Variants in ANXA10 observed in about 807,000 individuals in gnomAD.
The protein encoded by ANXA10 is annexin 14.
ANXA10 carries 49 observed loss-of-function variants against 53.5 expected under a neutral mutation model. The observed-to-expected ratio is 0.92, with a 90% CI of 0.73 to 1.16. The LOEUF (loss-of-function observed/expected upper bound fraction) is 1.16, where lower values mean the gene tolerates loss of function less well. ANXA10 is among the 50% of genes most tolerant of loss of function. The pLI, the probability that ANXA10 is intolerant of heterozygous loss-of-function variation, is 0.00. For synonymous variants in ANXA10, 131 were observed against 128.9 expected (o/e 1.02, Z -0.11); for missense variants, 393 against 394.4 (o/e 1.00, Z 0.03).
At chr4:168,154,656 G>A (rs144056843) in intron 3 of ANXA10, among the ~76,000 whole-genome samples, 49 of 152,182 alleles carry the variant, frequency 3.2e-4, no homozygotes, top group East Asian at 1.4e-3. Context: ...TCAACGCATT[G>A]CCACAAGATT....
chr4:168,155,475 A>T (rs537415773), intron 3 of ANXA10, among the ~76,000 whole-genome samples: 176 of 14,510 alleles, frequency 0.012, 4 homozygotes, highest in African/African-American at 0.034. Flanking sequence ...TATAATTATA[A>T]ATTATATATT....
chr4:168,102,989 ATG>A (rs1730665404), intron 1 of ANXA10, among the ~76,000 whole-genome samples: 1 of 152,038 alleles, frequency 6.6e-6, no homozygotes, highest in African/African-American at 2.4e-5. Context: ...GTCATTGTGA[ATG>A]TGTTTGTTTA....
chr4:168,147,452 T>C (rs1248351071), intron 3 of ANXA10, among the ~76,000 whole-genome samples: 1 of 152,194 alleles, frequency 6.6e-6, no homozygotes, highest in Non-Finnish European at 1.5e-5. Flanking sequence ...CCATCTATCA[T>C]AGAAACTTAT....
chr4:168,146,155 C>T lies in ANXA10; in HGVS notation c.195+6575C>T, dbSNP rs548049742. On this transcript the variant is annotated intron_variant, in intron 3 of 11. Coordinates refer to ENST00000359299, the MANE Select transcript of ANXA10 (RefSeq NM_007193.5). ...AACTCCTGACCTCAGATGATCCACCCGCCTTGGCCTCTCAAAGTGCTGGGA... is the reference window on the plus strand; with the variant it reads ...AACTCCTGACCTCAGATGATCCACCTGCCTTGGCCTCTCAAAGTGCTGGGA... Among the ~76,000 whole-genome samples, 6 of 152,220 alleles carry T rather than the reference C, an allele frequency of 3.9e-5. No individual in the cohort carries two copies. The South Asian group carries it at 6.2e-4, about 16-fold the overall frequency.
At chr4:168,148,373 G>A (rs1731438996) in intron 3 of ANXA10, among the ~76,000 whole-genome samples, 1 of 152,184 alleles carries the variant, frequency 6.6e-6, no homozygotes, top group Middle Eastern at 3.4e-3. Flanking sequence ...CACCATCTTG[G>A]CCAGGCTGGT....
chr4:168,178,089 G>A, intron 8 of ANXA10, 106 bp downstream of exon 8: 1 of 1,035,220 alleles, frequency 9.7e-7, no homozygotes, highest in Non-Finnish European at 1.4e-6. Context: ...ATAGCGGAAA[G>A]TCAGTTATCT....
intron 1 of ANXA10, among the ~76,000 whole-genome samples, chr4:168,109,714 GATA>G (rs1490424538): frequency 7.9e-5 from 12 of 152,110 alleles, no homozygotes; most frequent in African/African-American, 2.9e-4. Flanking sequence ...ATAATTTCAT[GATA>G]ATCAATATTT....
At chr4:168,150,396 A>G (rs1339165140) in intron 3 of ANXA10, among the ~76,000 whole-genome samples, 1 of 152,188 alleles carries the variant, frequency 6.6e-6, no homozygotes, top group African/African-American at 2.4e-5. Context: ...ACTTGCACAA[A>G]CATTTTTATA....
intron 1 of ANXA10, among the ~76,000 whole-genome samples, chr4:168,120,048 C>T (rs960339837): frequency 6.6e-6 from 1 of 151,824 alleles, no homozygotes; most frequent in Non-Finnish European, 1.5e-5. Flanking sequence ...GGATGAAATA[C>T]AATACCGAGA....
At chr4:168,098,133 GATGTTTAACTAT>G (rs1185246231) in intron 1 of ANXA10, among the ~76,000 whole-genome samples, 3 of 150,624 alleles carry the variant, frequency 2.0e-5, no homozygotes, top group Non-Finnish European at 4.4e-5. Flanking sequence ...AAAAAAAAAA[GATGTTTAACTAT>G]ATGTTCTTTT....
intron 3 of ANXA10, among the ~76,000 whole-genome samples, chr4:168,155,741 ATATAT>A (rs1202151912): frequency 2.0e-5 from 1 of 48,974 alleles, no homozygotes; most frequent in East Asian, 6.5e-4. Flanking sequence ...ATGATATATC[ATATAT>A]TATATATTAT....
intron 6 of ANXA10, among the ~76,000 whole-genome samples, chr4:168,175,907 C>T (rs1481501190): frequency 6.6e-6 from 1 of 152,168 alleles, no homozygotes; most frequent in Non-Finnish European, 1.5e-5. Flanking sequence ...ATGCCTCTAG[C>T]TTTTTGTTAT....
intron 11 of ANXA10, among the ~76,000 whole-genome samples, chr4:168,186,446 G>A (rs1437787670): frequency 1.3e-5 from 2 of 152,190 alleles, no homozygotes; most frequent in African/African-American, 4.8e-5. Flanking sequence ...GGGTCTTTGT[G>A]AGGTGATTAG....
intron 5 of ANXA10, among the ~76,000 whole-genome samples, chr4:168,164,807 A>G (rs1451869708): frequency 6.6e-6 from 1 of 152,194 alleles, no homozygotes; most frequent in African/African-American, 2.4e-5. Context: ...AGTATATGAC[A>G]TTGTGTGTCA....
intron 1 of ANXA10, among the ~76,000 whole-genome samples, chr4:168,100,842 C>T (rs1312677242): frequency 6.6e-6 from 1 of 151,740 alleles, no homozygotes; most frequent in African/African-American, 2.4e-5. Context: ...ATTACCCTTC[C>T]CCCAGCTTTC....
intron 1 of ANXA10, among the ~76,000 whole-genome samples, chr4:168,104,070 G>T (rs1730682033): frequency 6.6e-6 from 1 of 151,770 alleles, no homozygotes; most frequent in Admixed American, 6.6e-5. Flanking sequence ...TAATGAAGTT[G>T]CTTTGTCTTT....
intron 6 of ANXA10, among the ~76,000 whole-genome samples, chr4:168,169,981 A>T (rs1431634672): frequency 6.6e-6 from 1 of 152,216 alleles, no homozygotes; most frequent in African/African-American, 2.4e-5. Context: ...AATAAATCAC[A>T]AGTGAAAAAA....
intron 2 of ANXA10, among the ~76,000 whole-genome samples, chr4:168,129,440 TG>T (rs1257864664): frequency 1.3e-5 from 2 of 152,178 alleles, no homozygotes; most frequent in African/African-American, 2.4e-5. Flanking sequence ...CCAGTTTCAA[TG>T]TTCCTGTCAT....
intron 1 of ANXA10, among the ~76,000 whole-genome samples, chr4:168,093,236 T>C (rs998205046): frequency 1.3e-5 from 2 of 152,174 alleles, no homozygotes; most frequent in Non-Finnish European, 2.9e-5. Context: ...ATTTTGACTA[T>C]TAATTTTATT....
Sources: allele counts gnomAD v4.1 joint callset (sites outside exome capture counted in the v4.1 genomes callset), GRCh38; gene constraint gnomAD v4.1.1; transcripts MANE v1.5; gene names NCBI Gene and HGNC (gene_info 2026-07-23, HGNC 2026-07-21).